Variants in PBX3 observed in about 807,000 individuals in gnomAD.
PBX3 encodes PBX homeobox 3.
A neutral mutation model predicts 48.5 loss-of-function variants in PBX3; 14 were observed. The observed-to-expected ratio is 0.29, with a 90% CI of 0.19 to 0.45. The LOEUF is 0.45. Ranked by LOEUF, PBX3 falls within the 20% of genes least tolerant of loss-of-function variation. PBX3 has a pLI of 1.00. For synonymous variants in PBX3, 210 were observed against 200.3 expected, an observed-to-expected ratio of 1.05 and a Z score of -0.41; for missense variants, 386 against 546.7, an observed-to-expected ratio of 0.71 and a Z score of 2.93.
chr9:125,778,447 CAG>C (rs1478205481), intron 2 of PBX3, among the ~76,000 whole-genome samples: 3 of 151,876 alleles, frequency 2.0e-5, no homozygotes, highest in Non-Finnish European at 4.4e-5. Context: ...TTAGTAGAGA[CAG>C]AGTTTCACCA....
intron 2 of PBX3, among the ~76,000 whole-genome samples, chr9:125,822,160 A>C (rs1469312506): frequency 2.0e-5 from 3 of 152,138 alleles, no homozygotes. Flanking sequence ...TAAATAAGTA[A>C]AATTAAAATT....
intron 2 of PBX3, among the ~76,000 whole-genome samples, chr9:125,752,165 A>G (rs1836393314): frequency 6.6e-6 from 1 of 152,098 alleles, no homozygotes; most frequent in Non-Finnish European, 1.5e-5. Context: ...ACAAACCCTA[A>G]ATAGCGTTCA....
chr9:125,876,413 C>T (rs1840248139), intron 2 of PBX3, among the ~76,000 whole-genome samples: 2 of 152,204 alleles, frequency 1.3e-5, no homozygotes, highest in South Asian at 4.1e-4. Flanking sequence ...AACCCCTTTC[C>T]TCTTCCTCCT....
intron 5 of PBX3, among the ~76,000 whole-genome samples, chr9:125,942,040 A>G (rs188701704): frequency 6.6e-6 from 1 of 152,370 alleles, no homozygotes; most frequent in African/African-American, 2.4e-5. Flanking sequence ...CACTCAACCA[A>G]CATATTTTAG....
intron 2 of PBX3, among the ~76,000 whole-genome samples, chr9:125,808,341 T>A (rs1838188379): frequency 6.6e-6 from 1 of 152,156 alleles, no homozygotes; most frequent in Non-Finnish European, 1.5e-5. Context: ...TACTTTAAAG[T>A]TAGAGTTGAT....
chr9:125,918,406 A>C (rs180810553), intron 3 of PBX3, among the ~76,000 whole-genome samples: 1 of 152,264 alleles, frequency 6.6e-6, no homozygotes, highest in African/African-American at 2.4e-5. Context: ...TTGGCTTTTA[A>C]AATATACATG....
At chr9:125,794,183 A>G (rs1185197634) in intron 2 of PBX3, among the ~76,000 whole-genome samples, 2 of 152,226 alleles carry the variant, frequency 1.3e-5, no homozygotes, top group Non-Finnish European at 2.9e-5. Context: ...AGGAGGAAAA[A>G]ACATATTTTC....
intron 2 of PBX3, among the ~76,000 whole-genome samples, chr9:125,810,067 A>G (rs1017501103): frequency 5.9e-5 from 9 of 152,224 alleles, no homozygotes; most frequent in African/African-American, 2.2e-4. Flanking sequence ...AGATGAATGC[A>G]GAAAACTGCA....
chr9:125,847,281 G>A (rs573470585), intron 2 of PBX3, among the ~76,000 whole-genome samples: 1 of 152,022 alleles, frequency 6.6e-6, no homozygotes, highest in African/African-American at 2.4e-5. Flanking sequence ...AATTTGTGAA[G>A]AGAAAATTTC....
chr9:125,771,212 A>AC (rs1836932953), intron 2 of PBX3, among the ~76,000 whole-genome samples: 1 of 152,218 alleles, frequency 6.6e-6, no homozygotes, highest in South Asian at 2.1e-4. Context: ...GAGATATCAC[A>AC]CTATTGTTCA....
chr9:125,858,188 A>AC (rs1220625902), intron 2 of PBX3, among the ~76,000 whole-genome samples: 2 of 152,040 alleles, frequency 1.3e-5, no homozygotes, highest in African/African-American at 2.4e-5. Flanking sequence ...ATATAGGGAG[A>AC]CCCCATCACT....
At chr9:125,935,330 C>T (rs189945529) in intron 4 of PBX3, 142 bp from the exon 5 acceptor site, 8 of 673,536 alleles carry the variant, frequency 1.2e-5, no homozygotes, top group African/African-American at 1.1e-4. Flanking sequence ...TAGAACATAA[C>T]GTATAATATC....
Position 125,751,842 on chromosome 9 carries a change from C to T in PBX3, c.274+3219C>T, listed in dbSNP as rs182663639. ...CCTGCATACCTCTTTTGGTGTATGC[C>T]CCCACCTCTTTTTGGTCATCTTAAT... is the stretch of plus-strand genomic sequence containing the variant. On this transcript the variant is annotated intron_variant, in intron 2 of 8. Transcript: ENST00000373489. 3.9e-5 allele frequency among the ~76,000 whole-genome samples: 6 copies of T among 152,106 alleles called. No individual in the cohort carries two copies. In the East Asian group the frequency reaches 1.2e-3, roughly 29 times the overall value.
At chr9:125,962,276 C>T (rs576805553) in intron 7 of PBX3, 62 bp downstream of exon 7, 203 of 922,564 alleles carry the variant, frequency 2.2e-4, no homozygotes, top group Admixed American at 5.1e-4. Context: ...AAAACTCCTT[C>T]CTCTGACCCC....
chr9:125,902,565 C>T (rs1250134133), intron 2 of PBX3, among the ~76,000 whole-genome samples: 1 of 151,558 alleles, frequency 6.6e-6, no homozygotes, highest in African/African-American at 2.4e-5. Flanking sequence ...ACTAAATATG[C>T]CTCATTTAAA....
chr9:125,833,685 T>C (rs918784691), intron 2 of PBX3, among the ~76,000 whole-genome samples: 3 of 152,130 alleles, frequency 2.0e-5, no homozygotes, highest in African/African-American at 7.2e-5. Flanking sequence ...TAGACTAAAT[T>C]TACTTTCTAG....
intron 2 of PBX3, among the ~76,000 whole-genome samples, chr9:125,831,625 A>T (rs1838964958): frequency 6.6e-6 from 1 of 152,200 alleles, no homozygotes; most frequent in Non-Finnish European, 1.5e-5. Context: ...GTAATGAGGT[A>T]GTGCCTTAGT....
At chr9:125,748,751 C>A in intron 2 of PBX3, 128 bp downstream of exon 2, 1 of 627,874 alleles carries the variant, frequency 1.6e-6, no homozygotes, top group Non-Finnish European at 2.8e-6. Context: ...CTCCTTCCCA[C>A]GTCCTGATCT....
At chr9:125,793,797 G>A (rs974891688) in intron 2 of PBX3, among the ~76,000 whole-genome samples, 1 of 152,014 alleles carries the variant, frequency 6.6e-6, no homozygotes, top group African/African-American at 2.4e-5. Context: ...TATCCATCAG[G>A]CCTAAAGTTT....
Sources: allele counts gnomAD v4.1 joint callset (sites outside exome capture counted in the v4.1 genomes callset), GRCh38; gene constraint gnomAD v4.1.1; transcripts MANE v1.5; gene names NCBI Gene and HGNC (gene_info 2026-07-23, HGNC 2026-07-21).